The following MIR2052HG variants were observed in gnomAD, a reference collection of about 807,000 sequenced individuals.
MIR2052HG encodes the protein MIR2052 host gene.
chr8:74,681,932 C>G (rs1039369257), intron 2 of MIR2052HG, among the ~76,000 whole-genome samples: 2 of 152,084 alleles, frequency 1.3e-5, no homozygotes, highest in African/African-American at 4.8e-5. Context: ...AATTACAGAT[C>G]ACTGGGGAAA....
chr8:74,695,905 A>G (rs1011579648), intron 2 of MIR2052HG, among the ~76,000 whole-genome samples: 1 of 152,108 alleles, frequency 6.6e-6, no homozygotes, highest in African/African-American at 2.4e-5. Flanking sequence ...TGACAGCACT[A>G]GAGAGGTCAT....
chr8:74,698,579 A>C (rs1809324724), intron 2 of MIR2052HG, among the ~76,000 whole-genome samples: 2 of 152,232 alleles, frequency 1.3e-5, no homozygotes, highest in African/African-American at 4.8e-5. Flanking sequence ...TAACCCACAG[A>C]CTGGGAGATA....
chr8:74,705,784 A>G (rs1398531298), intron 4 of MIR2052HG: 2 of 170,048 alleles, frequency 1.2e-5, no homozygotes, highest in Non-Finnish European at 2.9e-5. Context: ...TTTCCCTTAC[A>G]GAGAAGCAGA....
intron 1 of MIR2052HG, among the ~76,000 whole-genome samples, chr8:74,602,289 C>A (rs986442360): frequency 2.6e-5 from 4 of 152,186 alleles, no homozygotes; most frequent in African/African-American, 9.7e-5. Flanking sequence ...AAAGATACTC[C>A]TGCCAGCATC....
intron 2 of MIR2052HG, among the ~76,000 whole-genome samples, chr8:74,662,893 T>TGG (rs1416521920): frequency 1.4e-5 from 2 of 145,220 alleles, no homozygotes; most frequent in African/African-American, 2.6e-5. Context: ...TGTGTGTGTG[T>TGG]GGTATAATTT....
At chr8:74,641,046 G>A (rs903345587) in intron 2 of MIR2052HG, among the ~76,000 whole-genome samples, 1 of 152,122 alleles carries the variant, frequency 6.6e-6, no homozygotes, top group African/African-American at 2.4e-5. Context: ...CTTTTTAATG[G>A]TGTTAAGTAT....
At chr8:74,650,293 T>A (rs1808738282) in intron 2 of MIR2052HG, among the ~76,000 whole-genome samples, 1 of 152,140 alleles carries the variant, frequency 6.6e-6, no homozygotes, top group South Asian at 2.1e-4. Context: ...CAGTATGTAG[T>A]CTTTTGTGTT....
intron 2 of MIR2052HG, among the ~76,000 whole-genome samples, chr8:74,652,931 C>T (rs1409094117): frequency 6.6e-6 from 1 of 152,166 alleles, no homozygotes; most frequent in Non-Finnish European, 1.5e-5. Context: ...TGCTTCAAAA[C>T]AATAAGGGAA....
rs1808741809 is a variant in MIR2052HG at position 74,650,621 on chromosome 8, C to A, written n.216+37681C>A. On this transcript the variant is annotated intron_variant and non_coding_transcript_variant, in intron 2 of 6. Transcript: ENST00000523442. ...ATGGTGTGGTAGGCACACCACCAAC[C>A]TGTCCTCCAAGTGGCTGGATGATTT... is the stretch of plus-strand genomic sequence containing the variant. Among the ~76,000 whole-genome samples, 14 of 152,112 alleles carry A rather than the reference C, an allele frequency of 9.2e-5. No homozygotes were observed. The South Asian group carries it at 2.9e-3, about 31-fold the overall frequency.
chr8:74,642,486 A>T (rs1346237021), intron 2 of MIR2052HG, among the ~76,000 whole-genome samples: 1 of 152,178 alleles, frequency 6.6e-6, no homozygotes. Flanking sequence ...AACAACTCTG[A>T]TAAGGATAGT....
intron 4 of MIR2052HG, chr8:74,703,756 C>A (rs543204567): frequency 5.0e-6 from 2 of 398,362 alleles, no homozygotes; most frequent in Admixed American, 2.7e-5. Context: ...CTTTTGGTCC[C>A]CTTTCATACC....
At chr8:74,638,438 G>T (rs978416533) in intron 2 of MIR2052HG, among the ~76,000 whole-genome samples, 1 of 152,168 alleles carries the variant, frequency 6.6e-6, no homozygotes, top group Admixed American at 6.5e-5. Context: ...TATCATACAG[G>T]CTGCAGGATG....
chr8:74,722,754 A>G (rs1809592330), intron 4 of MIR2052HG, among the ~76,000 whole-genome samples: 1 of 152,216 alleles, frequency 6.6e-6, no homozygotes, highest in Non-Finnish European at 1.5e-5. Flanking sequence ...TGGTTATCTC[A>G]TTTAATTTTC....
intron 2 of MIR2052HG, among the ~76,000 whole-genome samples, chr8:74,648,934 C>T (rs1241767154): frequency 1.3e-5 from 2 of 152,056 alleles, no homozygotes; most frequent in African/African-American, 2.4e-5. Context: ...ATTCAATTTT[C>T]CTTGGCCTCT....
intron 2 of MIR2052HG, among the ~76,000 whole-genome samples, chr8:74,645,373 C>G (rs1808680922): frequency 6.6e-6 from 1 of 151,968 alleles, no homozygotes; most frequent in African/African-American, 2.4e-5. Context: ...ACAACCTCCG[C>G]CTCCCAGGTT....
chr8:74,706,779 A>G (rs1031682203), intron 4 of MIR2052HG, among the ~76,000 whole-genome samples: 2 of 152,102 alleles, frequency 1.3e-5, no homozygotes, highest in Non-Finnish European at 2.9e-5. Flanking sequence ...AAACTGGAAA[A>G]TGAATTCTTA....
intron 4 of MIR2052HG, among the ~76,000 whole-genome samples, chr8:74,741,122 T>C (rs1421081224): frequency 6.6e-6 from 1 of 152,226 alleles, no homozygotes; most frequent in Non-Finnish European, 1.5e-5. Flanking sequence ...TGTTAGTATA[T>C]ACATCTTACA....
At chr8:74,709,429 CT>C (rs932930322) in intron 4 of MIR2052HG, among the ~76,000 whole-genome samples, 4 of 150,918 alleles carry the variant, frequency 2.7e-5, no homozygotes, top group African/African-American at 7.3e-5. Context: ...AACATCAGAC[CT>C]TTTTTTTTGA....
rs1321347700 is a variant in MIR2052HG, at chr8:74,662,733, T to TTATTATA, written n.217-39646_217-39645insTATTATA. Among the ~76,000 whole-genome samples the TTATTATA allele has an allele frequency of 2.6e-5, 4 of 152,136 alleles. No individual in the cohort carries two copies. The East Asian group carries it at 7.7e-4, about 29-fold the overall frequency. On this transcript the variant is annotated intron_variant and non_coding_transcript_variant, in intron 2 of 6. Transcript: ENST00000523442. ...AAAACACCTTAATATCTTGTAAGAA[T>TTATTATA]GAGCTTATTATAGCGGTTTTCTTTA... is the stretch of plus-strand genomic sequence containing the variant.
Sources: allele counts gnomAD v4.1 joint callset (sites outside exome capture counted in the v4.1 genomes callset), GRCh38; gene constraint gnomAD v4.1.1; transcripts MANE v1.5; gene names NCBI Gene and HGNC (gene_info 2026-07-23, HGNC 2026-07-21).